Variants in ANKRD18B observed in about 807,000 individuals in gnomAD.
The protein encoded by ANKRD18B is ankyrin repeat domain 18B, also known as ankyrin repeat domain-containing protein 18B.
Under a neutral mutation model 111.8 loss-of-function variants are expected in ANKRD18B, and 75 were observed. The ratio of observed to expected loss-of-function variants is 0.67; its 90% CI spans 0.56 to 0.81. The LOEUF is 0.81. ANKRD18B is among the 40% of genes least tolerant of loss of function. The pLI is 0.00. For missense variants in ANKRD18B, 1,038 were observed against 1,225.5 expected (o/e 0.85, Z 2.28); for synonymous variants, 356 against 417.3 (o/e 0.85, Z 1.79).
chr9:33,567,334 CAT>C lies in ANKRD18B; in HGVS notation c.2954+22_2954+23del. 11 of 1,521,674 alleles carry C rather than the reference CAT, an allele frequency of 7.2e-6. No homozygotes were observed. Among genetic ancestry groups the C allele is most frequent in the Non-Finnish European group, 8.8e-6 (10 of 1,135,956 alleles). The allele number at this position is 1,521,674 out of a possible 1,614,324, so 94.3% of individuals were successfully genotyped here. ...AACGAAGTAAGTCAAAACATATACT[CAT>C]AGAAAATGAATTAAACTCATTAATT... On this transcript the variant is annotated intron_variant, in intron 16 of 18. Coordinates refer to ENST00000684830, the MANE Select transcript of ANKRD18B (RefSeq NM_001393611.1).
downstream of ANKRD18B, among the ~76,000 whole-genome samples, chr9:33,574,803 G>C (rs542277323): frequency 6.6e-6 from 1 of 152,206 alleles, no homozygotes; most frequent in Non-Finnish European, 1.5e-5. Context: ...CAGTTCAGGG[G>C]ATAGAGGACA....
chr9:33,563,493 T>G (rs1828637491), intron 14 of ANKRD18B, among the ~76,000 whole-genome samples: 1 of 151,486 alleles, frequency 6.6e-6, no homozygotes, highest in African/African-American at 2.4e-5. Flanking sequence ...GACTGATCTC[T>G]CTCACAATCT....
intron 13 of ANKRD18B, 48 bp from the exon 14 acceptor site, chr9:33,558,010 T>C (rs1828551836): frequency 2.0e-5 from 29 of 1,439,790 alleles, no homozygotes; most frequent in Non-Finnish European, 2.5e-5. Context: ...AATTATTAAA[T>C]ATTTACTCTT....
At chr9:33,530,423 C>T (rs1828094949) in intron 3 of ANKRD18B, among the ~76,000 whole-genome samples, 1 of 150,228 alleles carries the variant, frequency 6.7e-6, no homozygotes, top group Admixed American at 6.7e-5. Context: ...CTGAGGCGGG[C>T]AGATCACGAG....
intron 9 of ANKRD18B, among the ~76,000 whole-genome samples, chr9:33,542,341 A>G (rs920917370): frequency 6.1e-5 from 9 of 148,414 alleles, no homozygotes; most frequent in Admixed American, 2.1e-4. Context: ...AGCCAGATTC[A>G]GGGAGGACTT....
intron 14 of ANKRD18B, among the ~76,000 whole-genome samples, chr9:33,558,915 G>A (rs546101658): frequency 2.6e-5 from 4 of 152,220 alleles, no homozygotes; most frequent in Admixed American, 2.0e-4. Flanking sequence ...CCAGCAGACA[G>A]AGTTGTAGGG....
intron 1 of ANKRD18B, among the ~76,000 whole-genome samples, chr9:33,525,049 G>A (rs887398724): frequency 6.6e-6 from 1 of 152,224 alleles, no homozygotes; most frequent in Non-Finnish European, 1.5e-5. Context: ...CACCTAGGTA[G>A]ATAGGTTCTT....
chr9:33,569,809 A>G (rs13301929), intron 17 of ANKRD18B, among the ~76,000 whole-genome samples: 1 of 152,140 alleles, frequency 6.6e-6, no homozygotes, highest in Non-Finnish European at 1.5e-5. Flanking sequence ...TGAAGCAGGC[A>G]GATCTCCTGA....
chr9:33,524,844 G>T (rs1828004012), intron 1 of ANKRD18B, 149 bp downstream of exon 1: 4 of 984,746 alleles, frequency 4.1e-6, no homozygotes, highest in Non-Finnish European at 5.9e-6. Flanking sequence ...GGAATTTCCC[G>T]CCTGTAGCGC....
intron 12 of ANKRD18B, among the ~76,000 whole-genome samples, chr9:33,551,282 G>A (rs1296091117): frequency 1.3e-5 from 2 of 152,160 alleles, no homozygotes; most frequent in East Asian, 1.9e-4. Flanking sequence ...CATTTAAAAT[G>A]TACAACTCAG....
intron 9 of ANKRD18B, among the ~76,000 whole-genome samples, chr9:33,542,650 C>T (rs1487656625): frequency 1.3e-4 from 20 of 152,108 alleles, no homozygotes; most frequent in Non-Finnish European, 8.8e-5. Flanking sequence ...GCTGGGATTA[C>T]AGGTGTGAGC....
At chr9:33,573,806 G>C (rs1488324003), downstream of ANKRD18B, among the ~76,000 whole-genome samples, 1 of 145,146 alleles carries the variant, frequency 6.9e-6, no homozygotes, top group Non-Finnish European at 1.6e-5. Context: ...TCAGGACCTG[G>C]CCAGTTGGGA....
chr9:33,542,069 G>T (rs536001910), intron 9 of ANKRD18B, among the ~76,000 whole-genome samples: 275 of 151,440 alleles, frequency 1.8e-3, no homozygotes, highest in African/African-American at 6.2e-3. Flanking sequence ...CTCAGCTCAG[G>T]CATGATCTCT....
intron 14 of ANKRD18B, among the ~76,000 whole-genome samples, chr9:33,559,852 C>G (rs1177494110): frequency 6.6e-6 from 1 of 152,042 alleles, no homozygotes; most frequent in Non-Finnish European, 1.5e-5. Context: ...ATATACAAGT[C>G]ATTCAATTTT....
At chr9:33,534,220 C>T (rs1828160424) in intron 4 of ANKRD18B, 150 bp from the exon 5 acceptor site, 2 of 1,107,268 alleles carry the variant, frequency 1.8e-6, no homozygotes, top group African/African-American at 3.2e-5. Context: ...CTTGAGCACC[C>T]AAGATGCTTA....
intron 10 of ANKRD18B, among the ~76,000 whole-genome samples, chr9:33,545,077 C>T (rs562530909): frequency 2.2e-4 from 33 of 152,286 alleles, no homozygotes; most frequent in Middle Eastern, 3.4e-3. Flanking sequence ...GCCCATCTCA[C>T]TCAGGTCTTA....
At chr9:33,565,418 C>T (rs915033994) in intron 14 of ANKRD18B, among the ~76,000 whole-genome samples, 4 of 152,210 alleles carry the variant, frequency 2.6e-5, no homozygotes, top group East Asian at 3.9e-4. Context: ...GAAACATTTG[C>T]GGTTTAGGGA....
intron 6 of ANKRD18B, among the ~76,000 whole-genome samples, chr9:33,538,393 T>G (rs1354939013): frequency 6.6e-6 from 1 of 152,198 alleles, no homozygotes; most frequent in Non-Finnish European, 1.5e-5. Context: ...AGCTGTGTTT[T>G]TTTATGTGCT....
At chr9:33,532,371 AAAT>A (rs1013982501) in intron 3 of ANKRD18B, among the ~76,000 whole-genome samples, 65 of 152,342 alleles carry the variant, frequency 4.3e-4, no homozygotes, top group African/African-American at 1.5e-3. Context: ...TAAAGTAAAA[AAAT>A]AATGTTAAAT....
Sources: allele counts gnomAD v4.1 joint callset (sites outside exome capture counted in the v4.1 genomes callset), GRCh38; gene constraint gnomAD v4.1.1; transcripts MANE v1.5; gene names NCBI Gene and HGNC (gene_info 2026-07-23, HGNC 2026-07-21).